The following PTDSS2 variants were observed in gnomAD, a reference collection of about 807,000 sequenced individuals.
The protein encoded by PTDSS2 is PSS-2.
In PTDSS2, 41 loss-of-function variants were observed where a neutral mutation model predicts 64.7. The observed-to-expected ratio is 0.63, with a 90% CI of 0.49 to 0.82. PTDSS2 has a LOEUF of 0.82. PTDSS2 is among the 40% of genes least tolerant of loss of function. The pLI is 0.00. For missense variants in PTDSS2, 485 were observed against 650.0 expected, an observed-to-expected ratio of 0.75 and a Z score of 2.76; for synonymous variants, 297 against 277.8, an observed-to-expected ratio of 1.07 and a Z score of -0.69.
At chr11:488,044 C>G (rs1258593840) in intron 6 of PTDSS2, among the ~76,000 whole-genome samples, 155 bp from the exon 7 acceptor site, 3 of 136,186 alleles carry the variant, frequency 2.2e-5, no homozygotes, top group Non-Finnish European at 4.8e-5. Context: ...ACTCTGGCTG[C>G]CAGCCGGGTG....
In PTDSS2 at chr11:490,056, G is replaced by T. The variant is rs777212445; in HGVS notation, c.1289G>T (p.Arg430Leu). 1.2e-6 allele frequency: 2 copies of T among 1,607,110 alleles called. No homozygotes were observed. Among genetic ancestry groups the T allele is most frequent in the Non-Finnish European group, 8.5e-7 (1 of 1,179,468 alleles). ...CTGGCGCTCACCTGGACCGTCTGGC[G>T]CTTCTTCCTGCGGTGAGTCAGGGCA... is the stretch of plus-strand genomic sequence containing the variant. ...SVLALTWTVWRFFLRDITLRY... is the reference protein window; with the variant it reads ...SVLALTWTVWLFFLRDITLRY... The change falls in exon 11 of 12, where the codon CGC becomes CTC. Residue 430 changes from arginine to leucine, a missense_variant. Arg to Leu is a moderately radical substitution (Grantham distance 102). This residue lies in a region of PTDSS2 where 219 missense variants were observed against 257.3 expected (regional missense o/e 0.85). Coordinates refer to ENST00000308020, the MANE Select transcript of PTDSS2 (RefSeq NM_030783.3).
intron 7 of PTDSS2, 91 bp from the exon 8 acceptor site, chr11:488,438 G>A: frequency 1.5e-6 from 2 of 1,342,208 alleles, no homozygotes; most frequent in Non-Finnish European, 2.1e-6. Context: ...AGGCTGAGGG[G>A]CATTCTCGGT....
intron 1 of PTDSS2, chr11:459,895 C>T (rs905930384): frequency 6.1e-5 from 26 of 428,444 alleles, no homozygotes; most frequent in African/African-American, 4.8e-4. Context: ...GATACCTGCC[C>T]TGGACGCCAG....
At position 490,075 on chromosome 11, in the gene PTDSS2, C is replaced by G. The variant is rs2133846947; in HGVS notation, c.1301+7C>G. 6 of 1,600,944 alleles carry G rather than the reference C, an allele frequency of 3.7e-6. No homozygotes were observed. Among genetic ancestry groups the G allele is most frequent in the Non-Finnish European group, 5.1e-6 (6 of 1,176,722 alleles). On this transcript the variant is annotated splice_region_variant and intron_variant, in intron 11 of 11. Transcript: ENST00000308020. ...TCTGGCGCTTCTTCCTGCGGTGAGTCAGGGCAGGGCGCGTATGTTCTGAAG... is the reference window on the plus strand; with the variant it reads ...TCTGGCGCTTCTTCCTGCGGTGAGTGAGGGCAGGGCGCGTATGTTCTGAAG...
chr11:453,766 C>T (rs996986981), intron 1 of PTDSS2, among the ~76,000 whole-genome samples: 4 of 152,234 alleles, frequency 2.6e-5, no homozygotes, highest in Admixed American at 1.3e-4. Context: ...ACGACGACGC[C>T]GCGTTTTCCT....
chr11:464,574 C>T (rs557275403), intron 2 of PTDSS2, among the ~76,000 whole-genome samples: 3 of 152,318 alleles, frequency 2.0e-5, no homozygotes, highest in Non-Finnish European at 2.9e-5. Flanking sequence ...TTCCTGTGAA[C>T]GCAGTTGCTC....
Position 489,462 on chromosome 11 carries a change from A to G in PTDSS2, c.917A>G (p.Lys306Arg). Residue 306 changes from lysine to arginine, a missense_variant, in exon 9 of 12, where the codon AAG becomes AGG. Around this residue, in one of 3 missense-constraint regions of PTDSS2, gnomAD observed 219 missense variants for 257.3 expected, o/e 0.85. Coordinates refer to ENST00000308020, the MANE Select transcript of PTDSS2 (RefSeq NM_030783.3). ...TPYSWVRFEW[K>R]PASSLRRWLA... is the part of the protein sequence containing the mutation. ...TACAGCTGGGTTCGCTTCGAGTGGA[A>G]GCCGGCCTCCAGCCTGCGTCGCTGG... 1 of 1,612,934 alleles carries G rather than the reference A, an allele frequency of 6.2e-7. No individual in the cohort carries two copies. The highest frequency in any genetic ancestry group is 8.5e-7 in the Non-Finnish European group (1 of 1,179,814).
In PTDSS2 at chr11:462,760, A is replaced by G. The variant is rs1415457729; in HGVS notation, c.284+2472A>G. On this transcript the variant is annotated intron_variant, in intron 2 of 11. Transcript: ENST00000308020. The surrounding 1 kb of genome is among the most constrained non-coding windows in gnomAD (Gnocchi z 4.5). ...GTCCACACAGAGGGTGTCCGCACAC[A>G]GGGTGCCCACACACAGGGTGTCCCC... Among the ~76,000 whole-genome samples the G allele has an allele frequency of 3.3e-5, 5 of 152,110 alleles. No homozygotes were observed. The highest frequency in any genetic ancestry group is 5.9e-5 in the Non-Finnish European group (4 of 68,004).
intron 2 of PTDSS2, 126 bp from the exon 3 acceptor site, chr11:473,769 C>T: frequency 1.3e-6 from 1 of 767,142 alleles, no homozygotes; most frequent in South Asian, 1.5e-5. Flanking sequence ...CTGCCCGAGG[C>T]CCCTTCCTCC....
chr11:485,683 G>A (rs1187320754), intron 4 of PTDSS2, among the ~76,000 whole-genome samples: 1 of 145,842 alleles, frequency 6.9e-6, no homozygotes, highest in Non-Finnish European at 1.5e-5. Flanking sequence ...AACAGCGCAC[G>A]GGCGCGTGTG....
At chr11:486,835 G>A (rs55976759) in intron 4 of PTDSS2, 104 bp from the exon 5 acceptor site, 438,016 of 1,417,324 alleles carry the variant, frequency 0.31, 70,922 homozygotes, top group African/African-American at 0.46. Flanking sequence ...GCGACAGAGC[G>A]AGACTCCATC....
chr11:470,101 C>T lies in PTDSS2; in HGVS notation c.285-3794C>T, dbSNP rs886641619. Among the ~76,000 whole-genome samples the T allele has an allele frequency of 1.3e-5, 2 of 152,204 alleles. No individual in the cohort carries two copies. Among genetic ancestry groups the T allele is most frequent in the Non-Finnish European group, 2.9e-5 (2 of 68,038 alleles). On this transcript the variant is annotated intron_variant, in intron 2 of 11. Transcript: ENST00000308020. This position sits in a 1 kb window ranked among gnomAD's most constrained non-coding sequence, Gnocchi z 5.3. ...CATTCCAGGAGCTGGCGTGAGCTCC[C>T]GGCACCGCTGTGCGCTGCGCGTGGT... is the stretch of plus-strand genomic sequence containing the variant.
At chr11:485,086 C>CTG (rs60773284) in intron 4 of PTDSS2, among the ~76,000 whole-genome samples, 1 of 81,738 alleles carries the variant, frequency 1.2e-5, no homozygotes, top group African/African-American at 6.1e-5. Flanking sequence ...CGTGTGCTTA[C>CTG]TGTGCACAGG....
At chr11:471,428 T>A (rs1847423953) in intron 2 of PTDSS2, among the ~76,000 whole-genome samples, 1 of 152,242 alleles carries the variant, frequency 6.6e-6, no homozygotes, top group Admixed American at 6.5e-5. Flanking sequence ...CCTTATAAAG[T>A]TGTCATAAAC....
chr11:477,581 G>GTTTTTTTT (rs1303522004), intron 3 of PTDSS2, among the ~76,000 whole-genome samples: 1 of 152,218 alleles, frequency 6.6e-6, no homozygotes, highest in Admixed American at 6.5e-5. Context: ...GGGGAGCTGG[G>GTTTTTTTT]GCCTTCCCCA....
At chr11:474,834 G>GATACGGACATATTCACTTGTTTGTGT (rs1186233442) in intron 3 of PTDSS2, among the ~76,000 whole-genome samples, 1 of 152,224 alleles carries the variant, frequency 6.6e-6, no homozygotes, top group Non-Finnish European at 1.5e-5. Flanking sequence ...ACGTGTTTGT[G>GATACGGACATATTCACTTGTTTGTGT]ATACGGACAT....
intron 3 of PTDSS2, among the ~76,000 whole-genome samples, chr11:474,297 A>G (rs930649032): frequency 1.4e-5 from 2 of 144,054 alleles, no homozygotes; most frequent in African/African-American, 2.5e-5. Context: ...AGATGGGGCT[A>G]TGAGGCCGGG....
Position 488,529 on chromosome 11 carries a change from T to G in PTDSS2, c.736T>G (p.Trp246Gly). The G allele has an allele frequency of 6.2e-7, 1 of 1,612,262 alleles. No homozygotes were observed. Among genetic ancestry groups the G allele is most frequent in the Non-Finnish European group, 8.5e-7 (1 of 1,178,940 alleles). The part of the protein sequence containing the change: ...PNFSECWWDH[W>G]IMDVLVCNGL... ...AACGAGTGCTGGCCCCTCCCTGCAG[T>G]GGATCATGGACGTGCTCGTCTGCAA... is the stretch of plus-strand genomic sequence containing the variant. Residue 246 changes from tryptophan (W) to glycine (G), a missense_variant and splice_region_variant, in exon 8 of 12, where the codon TGG becomes GGG. This residue lies in a region of PTDSS2 where 251 missense variants were observed against 348.0 expected (regional missense o/e 0.72). Coordinates refer to ENST00000308020, the MANE Select transcript of PTDSS2 (RefSeq NM_030783.3).
At chr11:486,661 T>C (rs1217722029) in intron 4 of PTDSS2, among the ~76,000 whole-genome samples, 1 of 151,756 alleles carries the variant, frequency 6.6e-6, no homozygotes, top group Non-Finnish European at 1.5e-5. Flanking sequence ...GCTAGCACGG[T>C]GAAACCCCGT....
Sources: allele counts gnomAD v4.1 joint callset (sites outside exome capture counted in the v4.1 genomes callset), GRCh38; gene constraint gnomAD v4.1.1; regional missense constraint gnomAD v4.1.1; non-coding constraint Gnocchi (gnomAD v3.1); transcripts MANE v1.5; gene names NCBI Gene and HGNC (gene_info 2026-07-23, HGNC 2026-07-21).